GOLM2: variants seen among roughly 807,000 people sequenced by gnomAD.
The protein encoded by GOLM2 is golgi membrane protein 2, also known as protein GOLM2.
Under a neutral mutation model 55.9 loss-of-function variants are expected in GOLM2, and 26 were observed. That is an observed-to-expected ratio of 0.47 (90% CI 0.34 to 0.65). The LOEUF (loss-of-function observed/expected upper bound fraction) is 0.65. Among genes scored for constraint, GOLM2 ranks in the 30% least tolerant of loss-of-function variants. The probability of loss-of-function intolerance (pLI) is 0.01; values close to 1 mark genes in which losing one functional copy is unlikely to be tolerated. For missense variants in GOLM2, 486 were observed against 531.8 expected (o/e 0.91, Z 0.85); for synonymous variants, 165 against 194.6 (o/e 0.85, Z 1.27).
chr15:44,310,965 C>T (rs1232059288), intron 1 of GOLM2, among the ~76,000 whole-genome samples: 1 of 151,320 alleles, frequency 6.6e-6, no homozygotes, highest in Non-Finnish European at 1.5e-5. Context: ...TGCAGTGAGC[C>T]GAGATTGTGC....
intron 4 of GOLM2, among the ~76,000 whole-genome samples, chr15:44,335,870 AG>A (rs2079052788): frequency 6.8e-6 from 1 of 146,182 alleles, no homozygotes; most frequent in African/African-American, 2.6e-5. Context: ...GCTGGAGTAC[AG>A]TGGCCCGATC....
chr15:44,345,349 G>A (rs1453133076), intron 6 of GOLM2, among the ~76,000 whole-genome samples: 2 of 149,626 alleles, frequency 1.3e-5, no homozygotes, highest in East Asian at 2.0e-4. Flanking sequence ...CTCGGCTCAC[G>A]GCAAGCTCCG....
chr15:44,369,114 T>TAC (rs1309704472), intron 6 of GOLM2, among the ~76,000 whole-genome samples: 1 of 100,540 alleles, frequency 9.9e-6, no homozygotes, highest in Admixed American at 1.1e-4. Flanking sequence ...TATATATATA[T>TAC]ATACCCGGCT....
intron 8 of GOLM2, among the ~76,000 whole-genome samples, chr15:44,402,137 T>C (rs2079569598): frequency 6.6e-6 from 1 of 152,038 alleles, no homozygotes; most frequent in African/African-American, 2.4e-5. Context: ...GCCTGTCTTC[T>C]TCATTTCTAA....
At position 44,376,006 on chromosome 15, in the gene GOLM2, G is replaced by C. The variant is rs553128574; in HGVS notation, c.803-3684G>C. Among the ~76,000 whole-genome samples the C allele has an allele frequency of 5.9e-5, 9 of 152,284 alleles. No individual in the cohort carries two copies. The South Asian group carries it at 1.9e-3, about 32-fold the overall frequency. On this transcript the variant is annotated intron_variant, in intron 6 of 9. Transcript: ENST00000299957. ...AATCCCAGCACTTTGGGAGGCCGAG[G>C]TGGGCGGATCACCTGAGGTCAGGAG...
intron 3 of GOLM2, among the ~76,000 whole-genome samples, chr15:44,330,467 C>T (rs537563213): frequency 3.4e-5 from 5 of 147,212 alleles, no homozygotes; most frequent in African/African-American, 1.3e-4. Flanking sequence ...GAGCCGAGAT[C>T]GCGCCATTGC....
At chr15:44,320,680 CCTT>C (rs1290225152) in intron 1 of GOLM2, among the ~76,000 whole-genome samples, 1 of 152,178 alleles carries the variant, frequency 6.6e-6, no homozygotes, top group Non-Finnish European at 1.5e-5. Flanking sequence ...CCCCTAGACT[CCTT>C]CTCTTGCTTC....
intron 3 of GOLM2, among the ~76,000 whole-genome samples, chr15:44,329,398 T>A (rs1054001894): frequency 6.6e-6 from 1 of 152,238 alleles, no homozygotes; most frequent in Non-Finnish European, 1.5e-5. Flanking sequence ...ATTTCTGACT[T>A]CTTACTCTTG....
intron 1 of GOLM2, among the ~76,000 whole-genome samples, chr15:44,294,038 T>G (rs1204735527): frequency 6.6e-6 from 1 of 152,196 alleles, no homozygotes; most frequent in East Asian, 1.9e-4. Context: ...TTGCTCAAAT[T>G]GTTCTGGCTC....
chr15:44,308,411 G>T (rs1459064329), intron 1 of GOLM2: 1 of 151,984 alleles, frequency 6.6e-6, no homozygotes, highest in East Asian at 1.9e-4. Context: ...CCTCTTTATG[G>T]CTGATAATAT....
chr15:44,304,429 A>G (rs2078821971), intron 1 of GOLM2, among the ~76,000 whole-genome samples: 1 of 150,656 alleles, frequency 6.6e-6, no homozygotes, highest in African/African-American at 2.4e-5. Context: ...TTTAGTAGAG[A>G]CAGGGTTTCA....
Position 44,380,822 on chromosome 15 carries a change from C to A in GOLM2, c.918C>A (p.His306Gln). The A allele has an allele frequency of 6.4e-7, 1 of 1,551,516 alleles. No homozygotes were observed. ...ATGCCACAGATTCACACATAAACCA[C>A]AATGGAAACCCCGGTACTTCAAAAC... ...PNMPPDSHINHNGNPGTSKQN... is the reference protein window; with the variant it reads ...PNMPPDSHINQNGNPGTSKQN... The change falls in exon 8 of 10, where the codon CAC (histidine) becomes CAA (glutamine). Residue 306 changes from histidine (H) to glutamine (Q), a missense_variant. Coordinates refer to ENST00000299957, the MANE Select transcript of GOLM2 (RefSeq NM_138423.4).
rs188814414 is a variant in GOLM2, at chr15:44,399,295, G to A, written c.1073-3592G>A. 3.6e-3 allele frequency among the ~76,000 whole-genome samples: 550 copies of A among 152,284 alleles called. 3 individuals are homozygous for A. Among genetic ancestry groups the A allele is most frequent in the Middle Eastern group, 0.02 (6 of 294 alleles). ...TCTCCTTAACTTGATTGGCAACTCTGTGTAAGTTGGTTCTGTGTTTTTCAA... is the reference window on the plus strand; with the variant it reads ...TCTCCTTAACTTGATTGGCAACTCTATGTAAGTTGGTTCTGTGTTTTTCAA... On this transcript the variant is annotated intron_variant, in intron 8 of 9. Transcript: ENST00000299957.
chr15:44,368,809 C>A (rs988502032), intron 6 of GOLM2, among the ~76,000 whole-genome samples: 1 of 150,812 alleles, frequency 6.6e-6, no homozygotes, highest in Non-Finnish European at 1.5e-5. Context: ...AAGTGGATCA[C>A]CTCTCCGTTT....
intron 9 of GOLM2, among the ~76,000 whole-genome samples, chr15:44,410,399 C>T (rs1194765399): frequency 6.6e-6 from 1 of 152,166 alleles, no homozygotes; most frequent in African/African-American, 2.4e-5. Context: ...CCACTGCGCT[C>T]CAGCCTGGGC....
At chr15:44,389,008 G>C (rs1054589531) in intron 8 of GOLM2, among the ~76,000 whole-genome samples, 1 of 151,790 alleles carries the variant, frequency 6.6e-6, no homozygotes, top group African/African-American at 2.4e-5. Context: ...TAGTAGAGAC[G>C]GGGTTTCACT....
At chr15:44,390,406 G>C (rs937196805) in intron 8 of GOLM2, 4 of 152,194 alleles carry the variant, frequency 2.6e-5, no homozygotes, top group Non-Finnish European at 4.4e-5. Flanking sequence ...ACTCCAAACA[G>C]TAGGGAGTGA....
rs376902999 is a variant in GOLM2 at position 44,322,993 on chromosome 15, A to G, written c.356A>G (p.Gln119Arg). ...KVKLQNNISY[Q>R]MADIHHLKEQ... ...AAACTACAGAACAACATATCGTATC[A>G]GATGGCAGACATACATCATTTAAAG... The change falls in exon 2 of 10, where the codon CAG (glutamine) becomes CGG (arginine). Residue 119 changes from glutamine to arginine, a missense_variant. Coordinates refer to ENST00000299957, the MANE Select transcript of GOLM2 (RefSeq NM_138423.4). 77 of 1,580,260 alleles carry G rather than the reference A, an allele frequency of 4.9e-5. No homozygotes were observed. The highest frequency in any genetic ancestry group is 6.3e-5 in the Non-Finnish European group (73 of 1,167,014).
At chr15:44,328,402 CA>C (rs1031014037) in intron 2 of GOLM2, among the ~76,000 whole-genome samples, 1 of 152,132 alleles carries the variant, frequency 6.6e-6, no homozygotes, top group African/African-American at 2.4e-5. Flanking sequence ...CACTTGAGCT[CA>C]GGAGGTGCAG....
Sources: gnomAD v4.1 joint callset for allele counts (sites outside exome capture counted in the v4.1 genomes callset) on GRCh38, gnomAD v4.1.1 for gene constraint, MANE v1.5 for transcripts, NCBI Gene and HGNC (gene_info 2026-07-23, HGNC 2026-07-21) for gene names.